The following CACNA1I variants were observed in gnomAD, a reference collection of about 807,000 sequenced individuals.
CACNA1I encodes the protein calcium voltage-gated channel subunit alpha1 I.
A neutral mutation model predicts 201.6 loss-of-function variants in CACNA1I; 74 were observed. That is an observed-to-expected ratio of 0.37 (90% CI 0.30 to 0.45). The LOEUF (loss-of-function observed/expected upper bound fraction) is 0.45, where lower values mean the gene tolerates loss of function less well. CACNA1I is among the 20% of genes least tolerant of loss of function. The pLI is 1.00. For missense variants in CACNA1I, 2,346 were observed against 3,138.1 expected (o/e 0.75, Z 6.03); for synonymous variants, 1,431 against 1,345.2 (o/e 1.06, Z -1.40).
chr22:39,665,409 TA>T lies in CACNA1I; in HGVS notation c.3852-88del. 6.7e-7 allele frequency: 1 copy of T among 1,502,186 alleles called. No individual in the cohort carries two copies. 93.1% of individuals were successfully genotyped at this position (1,502,186 alleles called of 1,614,324 possible). The stretch of plus-strand genomic sequence containing the variant: ...AGCCCTGGGGACTCATGCCCTGGGA[TA>T]CTCAGCCCTGGTGACTCTGGGCTGA... On this transcript the variant is annotated intron_variant, in intron 21 of 36. Transcript: ENST00000402142. This position sits in a 1 kb window ranked among gnomAD's most constrained non-coding sequence, Gnocchi z 5.5.
intron 25 of CACNA1I, 147 bp downstream of exon 25, chr22:39,670,377 T>A (rs1017564256): frequency 1.2e-6 from 1 of 825,902 alleles, no homozygotes; most frequent in Non-Finnish European, 1.9e-6. Context: ...TCCCAGCATC[T>A]TCCTGTCCAG....
At chr22:39,593,431 G>A (rs575271596) in intron 1 of CACNA1I, among the ~76,000 whole-genome samples, 15 of 152,306 alleles carry the variant, frequency 9.8e-5, no homozygotes, top group Admixed American at 7.8e-4. Flanking sequence ...CCACCACCTT[G>A]TGAGGGGCAA....
intron 35 of CACNA1I, among the ~76,000 whole-genome samples, chr22:39,683,796 CT>C (rs1198744726): frequency 1.3e-5 from 2 of 151,816 alleles, no homozygotes; most frequent in African/African-American, 4.8e-5. Flanking sequence ...CCAGACTGAC[CT>C]GCCATCCAGT....
At chr22:39,644,115 A>T (rs1934415960) in intron 7 of CACNA1I, among the ~76,000 whole-genome samples, 1 of 152,194 alleles carries the variant, frequency 6.6e-6, no homozygotes, top group African/African-American at 2.4e-5. Context: ...GGAGGTGAGC[A>T]GGGAAAGAGC....
At chr22:39,650,575 C>T (rs972879358) in intron 10 of CACNA1I, among the ~76,000 whole-genome samples, 8 of 152,224 alleles carry the variant, frequency 5.3e-5, no homozygotes, top group Non-Finnish European at 1.2e-4. Context: ...GGACAAAATC[C>T]AGACCTTTGC....
At chr22:39,595,127 A>C (rs916813738) in intron 1 of CACNA1I, among the ~76,000 whole-genome samples, 1 of 151,174 alleles carries the variant, frequency 6.6e-6, no homozygotes, top group Non-Finnish European at 1.5e-5. Flanking sequence ...ATCTCTACTA[A>C]AATACAAAAA....
At chr22:39,590,347 T>C (rs1932807015) in intron 1 of CACNA1I, among the ~76,000 whole-genome samples, 1 of 152,194 alleles carries the variant, frequency 6.6e-6, no homozygotes, top group Non-Finnish European at 1.5e-5. Context: ...CCCCTCCCCT[T>C]CTTCCTGCAG....
chr22:39,638,160 G>A (rs887091124), intron 5 of CACNA1I, among the ~76,000 whole-genome samples: 7 of 152,178 alleles, frequency 4.6e-5, no homozygotes, highest in African/African-American at 1.4e-4. Context: ...AGCTGGTCTC[G>A]AACTCCTGAC....
rs1185639421 is a variant in CACNA1I at position 39,688,726 on chromosome 22, C to A, written c.*2321C>A. On this transcript the variant is annotated 3_prime_UTR_variant, in exon 37 of 37. Transcript: ENST00000402142. This position sits in a 1 kb window ranked among gnomAD's most constrained non-coding sequence, Gnocchi z 4.8. Reference sequence around the variant, plus strand: ...CGTCCTAGGCAGGTCTGACGTGAAACCTCCCCTTACCCTGAACCGTGTGAC... The same window carrying A: ...CGTCCTAGGCAGGTCTGACGTGAAAACTCCCCTTACCCTGAACCGTGTGAC... 6.6e-6 allele frequency: 1 copy of A among 152,260 alleles called. No homozygotes were observed. Among genetic ancestry groups the A allele is most frequent in the Non-Finnish European group, 1.5e-5 (1 of 68,088 alleles). 9.4% of individuals were successfully genotyped at this position (152,260 alleles called of 1,614,324 possible). A position where few individuals can be genotyped will look rare whatever the true frequency, so the allele number is the denominator to read the frequency against.
rs540893241 is a variant in CACNA1I, at chr22:39,587,773, T to G, written c.237-10378T>G. ...TGTGGTTTATTTTATTTTATTTGAT[T>G]TATAATTATTATTATTTTTTGAGAC... On this transcript the variant is annotated intron_variant, in intron 1 of 36. Coordinates refer to ENST00000402142, the MANE Select transcript of CACNA1I (RefSeq NM_021096.4). 525 of 439,638 alleles carry G rather than the reference T, an allele frequency of 1.2e-3. 5 individuals carry two copies. Among genetic ancestry groups the G allele is most frequent in the African/African-American group, 1.0e-2 (491 of 49,232 alleles). 27.2% of individuals were successfully genotyped at this position (439,638 alleles called of 1,614,324 possible).
chr22:39,590,482 A>G (rs1932808484), intron 1 of CACNA1I, among the ~76,000 whole-genome samples: 1 of 152,190 alleles, frequency 6.6e-6, no homozygotes, highest in Non-Finnish European at 1.5e-5. Flanking sequence ...TGGGCTCACC[A>G]CTGACCCAGC....
rs559924884 is a variant in CACNA1I at position 39,659,522 on chromosome 22, T to G, written c.2420T>G (p.Leu807Arg). 6.2e-7 allele frequency: 1 copy of G among 1,602,428 alleles called. No individual in the cohort carries two copies. Among genetic ancestry groups the G allele is most frequent in the African/African-American group, 1.3e-5 (1 of 74,742 alleles). ...TVPDRKNFDSLLWAIVTVFQI... is the reference protein window; with the variant it reads ...TVPDRKNFDSRLWAIVTVFQI... The stretch of plus-strand genomic sequence containing the variant: ...CCCGACAGGAAGAACTTCGACTCCC[T>G]GCTGTGGGCCATCGTCACTGTGTTC... The change falls in exon 13 of 37, where the codon CTG (leucine) becomes CGG (arginine). Residue 807 changes from leucine (L) to arginine (R), a missense_variant. Physicochemically the swap from Leu to Arg is moderately radical, Grantham distance 102 (BLOSUM62 -2). Around this residue, in one of 13 missense-constraint regions of CACNA1I, gnomAD observed 155 missense variants for 300.8 expected, o/e 0.52. Transcript: ENST00000402142. This position sits in a 1 kb window ranked among gnomAD's most constrained non-coding sequence, Gnocchi z 4.3.
At chr22:39,575,572 A>T (rs1485807180) in intron 1 of CACNA1I, among the ~76,000 whole-genome samples, 1 of 152,144 alleles carries the variant, frequency 6.6e-6, no homozygotes, top group Non-Finnish European at 1.5e-5. Context: ...TCCAAGGAAC[A>T]TCAGACCCAA....
intron 1 of CACNA1I, among the ~76,000 whole-genome samples, chr22:39,594,414 T>A (rs1368352983): frequency 6.6e-6 from 1 of 152,132 alleles, no homozygotes; most frequent in Non-Finnish European, 1.5e-5. Flanking sequence ...AATTAGAATG[T>A]TCGAACTTCA....
intron 5 of CACNA1I, among the ~76,000 whole-genome samples, chr22:39,639,986 G>A (rs1052636760): frequency 2.6e-5 from 4 of 152,150 alleles, no homozygotes; most frequent in African/African-American, 4.8e-5. Flanking sequence ...CAGGCTCCAC[G>A]GCCAAAATGT....
intron 2 of CACNA1I, among the ~76,000 whole-genome samples, chr22:39,599,623 A>C (rs1391827363): frequency 2.6e-4 from 1 of 3,844 alleles, no homozygotes; most frequent in African/African-American, 6.8e-4. Flanking sequence ...CGTCTCAAAA[A>C]AAAAAAAAAA....
chr22:39,633,398 A>G lies in CACNA1I; in HGVS notation c.581-1167A>G, dbSNP rs57741339. 5.2e-3 allele frequency among the ~76,000 whole-genome samples: 787 copies of G among 152,328 alleles called. 8 individuals are homozygous for G. The highest frequency in any genetic ancestry group is 0.018 in the African/African-American group (762 of 41,578). ...ATGGATGGAACCTCCTAGGTTGTGC[A>G]GTATACAACCTGCACAACTGTACGT... On this transcript the variant is annotated intron_variant, in intron 4 of 36. Transcript: ENST00000402142.
rs867743866 is a variant in CACNA1I at position 39,658,427 on chromosome 22, G to A, written c.2144+124G>A. 69 of 840,630 alleles carry A rather than the reference G, an allele frequency of 8.2e-5. 2 individuals carry two copies. In the Middle Eastern group the frequency reaches 7.8e-3, roughly 95 times the overall value. 52.1% of individuals were successfully genotyped at this position (840,630 alleles called of 1,614,324 possible). A position where few individuals can be genotyped will look rare whatever the true frequency, so the allele number is the denominator to read the frequency against. ...AACCCGTTGCACTGAAACAATTATCGAAATAGTCAAACATTTGTGATTTAG... is the reference window on the plus strand; with the variant it reads ...AACCCGTTGCACTGAAACAATTATCAAAATAGTCAAACATTTGTGATTTAG... On this transcript the variant is annotated intron_variant, in intron 11 of 36. Transcript: ENST00000402142.
chr22:39,655,536 G>A (rs1029425441), intron 10 of CACNA1I, among the ~76,000 whole-genome samples: 8 of 152,032 alleles, frequency 5.3e-5, no homozygotes, highest in East Asian at 1.9e-4. Context: ...CTTTCTGGCC[G>A]TACCTATGGT....
Sources: allele counts gnomAD v4.1 joint callset (sites outside exome capture counted in the v4.1 genomes callset), GRCh38; gene constraint gnomAD v4.1.1; regional missense constraint gnomAD v4.1.1; non-coding constraint Gnocchi (gnomAD v3.1); transcripts MANE v1.5; gene names NCBI Gene and HGNC (gene_info 2026-07-23, HGNC 2026-07-21).